ARCN1: variants seen among roughly 807,000 people sequenced by gnomAD.
The protein encoded by ARCN1 is archain 1 coat protein complex I subunit delta, also known as coatomer subunit delta.
ARCN1 carries 5 observed loss-of-function variants against 60.4 expected under a neutral mutation model. That is an observed-to-expected ratio of 0.08 (90% CI 0.04 to 0.17). The LOEUF is 0.17. Ranked by LOEUF, ARCN1 falls within the 10% of genes least tolerant of loss-of-function variation. ARCN1 has a pLI of 1.00. For missense variants in ARCN1, 464 were observed against 626.5 expected (o/e 0.74, Z 2.77); for synonymous variants, 224 against 220.0 (o/e 1.02, Z -0.16).
intron 3 of ARCN1, 128 bp downstream of exon 3, chr11:118,583,486 GC>G (rs1351641972): frequency 3.5e-6 from 4 of 1,157,372 alleles, no homozygotes; most frequent in Non-Finnish European, 4.7e-6. Context: ...AGGCACAGTG[GC>G]TCATGTCTGT....
intron 1 of ARCN1, among the ~76,000 whole-genome samples, chr11:118,580,742 C>T (rs1299342247): frequency 3.9e-5 from 6 of 152,060 alleles, no homozygotes; most frequent in South Asian, 4.1e-4. Flanking sequence ...AGGCTGGTCT[C>T]GAACTCCTGA....
chr11:118,600,767 C>A lies in ARCN1; in HGVS notation c.*53C>A. ...AATTTTCAGATTAATAAAGAAGACG[C>A]CAATGATGGCTGAAGAGTTTTTCCC... is the stretch of plus-strand genomic sequence containing the variant. On this transcript the variant is annotated 3_prime_UTR_variant, in exon 10 of 10. Coordinates refer to ENST00000264028, the MANE Select transcript of ARCN1 (RefSeq NM_001655.5). The A allele has an allele frequency of 8.0e-7, 1 of 1,248,326 alleles. No individual in the cohort carries two copies. The highest frequency in any genetic ancestry group is 1.1e-6 in the Non-Finnish European group (1 of 873,130). The allele number at this position is 1,248,326 out of a possible 1,614,324, so 77.3% of individuals were successfully genotyped here. A position where few individuals can be genotyped will look rare whatever the true frequency, so the allele number is the denominator to read the frequency against.
At position 118,581,933 on chromosome 11, in the gene ARCN1, G is replaced by GACACACACACACACACACAC. The variant is rs1161304214; in HGVS notation, c.267+427_267+428insCACACACACACACACACACA. Reference sequence around the variant, plus strand: ...TTACTGATCCAGAGACAGACAGACAGACAGACACACACACACACACACACA... The same window carrying GACACACACACACACACACAC: ...TTACTGATCCAGAGACAGACAGACAGACACACACACACACACACACACAGACACACACACACACACACACA... On this transcript the variant is annotated intron_variant, in intron 2 of 9. Transcript: ENST00000264028. Among the ~76,000 whole-genome samples, 41 of 132,220 alleles carry GACACACACACACACACACAC rather than the reference G, an allele frequency of 3.1e-4. 2 individuals are homozygous for GACACACACACACACACACAC. The East Asian group carries it at 4.7e-3, about 15-fold the overall frequency. 86.7% of individuals were successfully genotyped at this position (132,220 alleles called of 152,430 possible).
rs372415652 is a variant in ARCN1 at position 118,583,122 on chromosome 11, GAAA to G, written c.268-56_268-54del. On this transcript the variant is annotated intron_variant, in intron 2 of 9. Coordinates refer to ENST00000264028, the MANE Select transcript of ARCN1 (RefSeq NM_001655.5). ...TATGTACTCTAAAGGATAAGACTTG[GAAA>G]TATAGCTGCTGATAAATTCTAAATC... 1,919 of 1,571,534 alleles carry G rather than the reference GAAA, an allele frequency of 1.2e-3. 16 individuals are homozygous for G. The African/African-American group carries it at 0.02, about 16-fold the overall frequency.
Position 118,590,523 on chromosome 11 carries a change from G to A in ARCN1, c.984+17G>A. On this transcript the variant is annotated intron_variant, in intron 6 of 9. Coordinates refer to ENST00000264028, the MANE Select transcript of ARCN1 (RefSeq NM_001655.5). ...CAGCTACAGGTGTGTAGAAGCTTTT[G>A]ATAGGGAGTATTAACACTTTGTCTA... 6.2e-7 allele frequency: 1 copy of A among 1,612,916 alleles called. No homozygotes were observed. Among genetic ancestry groups the A allele is most frequent in the Non-Finnish European group, 8.5e-7 (1 of 1,179,350 alleles).
intron 9 of ARCN1, among the ~76,000 whole-genome samples, chr11:118,600,400 C>T (rs888038722): frequency 1.3e-5 from 2 of 152,184 alleles, no homozygotes; most frequent in Non-Finnish European, 2.9e-5. Context: ...AACATCTCGT[C>T]CCAACAGTTG....
chr11:118,574,827 C>A (rs1472117602), intron 1 of ARCN1, among the ~76,000 whole-genome samples: 1 of 151,978 alleles, frequency 6.6e-6, no homozygotes, highest in Admixed American at 6.6e-5. Context: ...TATTCACAGG[C>A]GCTATCATAG....
intron 7 of ARCN1, 136 bp from the exon 8 acceptor site, chr11:118,593,454 C>A: frequency 4.7e-6 from 2 of 428,238 alleles, no homozygotes; most frequent in Non-Finnish European, 8.6e-6. Flanking sequence ...TGGTCTTGAA[C>A]TCATGGCCTC....
chr11:118,591,618 C>CTTGA lies in ARCN1; in HGVS notation c.985-1090_985-1087dup, dbSNP rs1371418832. Among the ~76,000 whole-genome samples, 3 of 152,062 alleles carry CTTGA rather than the reference C, an allele frequency of 2.0e-5. No homozygotes were observed. In the East Asian group the frequency reaches 5.8e-4, roughly 29 times the overall value. ...ATGTTGGCCAAGCTGGTCTCGAACTCTTGACCTCATGATTCGCCCACCTCA... is the reference window on the plus strand; with the variant it reads ...ATGTTGGCCAAGCTGGTCTCGAACTCTTGATTGACCTCATGATTCGCCCACCTCA... On this transcript the variant is annotated intron_variant, in intron 6 of 9. Coordinates refer to ENST00000264028, the MANE Select transcript of ARCN1 (RefSeq NM_001655.5).
intron 8 of ARCN1, 141 bp downstream of exon 8, chr11:118,593,839 CA>C: frequency 1.9e-6 from 1 of 538,968 alleles, no homozygotes; most frequent in South Asian, 2.4e-5. Context: ...AAGCCAGATA[CA>C]AAAGGCTGCA....
chr11:118,579,561 G>A (rs904517703), intron 1 of ARCN1, among the ~76,000 whole-genome samples: 8 of 151,136 alleles, frequency 5.3e-5, no homozygotes, highest in African/African-American at 9.7e-5. Flanking sequence ...GGTGGCAGGC[G>A]CCTGTAATCC....
At chr11:118,577,540 C>A (rs1398755673) in intron 1 of ARCN1, among the ~76,000 whole-genome samples, 3 of 152,130 alleles carry the variant, frequency 2.0e-5, no homozygotes, top group Non-Finnish European at 4.4e-5. Flanking sequence ...CCACCGCTCC[C>A]GGCCTAAATG....
In ARCN1 at chr11:118,589,576, C is replaced by G. The variant is rs116495744; in HGVS notation, c.819-765C>G. Among the ~76,000 whole-genome samples, 525 of 152,250 alleles carry G rather than the reference C, an allele frequency of 3.4e-3. 2 individuals are homozygous for G. The highest frequency in any genetic ancestry group is 0.012 in the African/African-American group (487 of 41,542). ...TCCTGAGTAGGCGCCCGTCACCACA[C>G]CCGGCTAATTTTGTTTTTGTATTTT... On this transcript the variant is annotated intron_variant, in intron 5 of 9. Coordinates refer to ENST00000264028, the MANE Select transcript of ARCN1 (RefSeq NM_001655.5).
chr11:118,575,512 T>C (rs782200173), intron 1 of ARCN1, among the ~76,000 whole-genome samples: 1 of 152,106 alleles, frequency 6.6e-6, no homozygotes, highest in Non-Finnish European at 1.5e-5. Flanking sequence ...AAATTACTTT[T>C]CAAGTTTTAG....
intron 9 of ARCN1, among the ~76,000 whole-genome samples, chr11:118,599,163 G>T (rs901199636): frequency 9.2e-5 from 14 of 151,744 alleles, no homozygotes; most frequent in Admixed American, 7.2e-4. Context: ...CGTGATGTTG[G>T]TTCACTGCAA....
At chr11:118,572,595 C>T (rs1555072648) in intron 1 of ARCN1, 45 bp downstream of exon 1, 1 of 1,596,346 alleles carries the variant, frequency 6.3e-7, no homozygotes, top group Admixed American at 1.7e-5. Flanking sequence ...CCGAGCCTCA[C>T]CGTCTCTCCT....
intron 9 of ARCN1, among the ~76,000 whole-genome samples, chr11:118,599,095 ATT>A (rs565005021): frequency 1.7e-5 from 2 of 117,300 alleles, no homozygotes; most frequent in East Asian, 5.1e-4. Flanking sequence ...CGCCTGGCGG[ATT>A]TTTTTTTTTT....
Position 118,592,728 on chromosome 11 carries a change from A to G in ARCN1, c.1004A>G (p.Lys335Arg), listed in dbSNP as rs1938940159. 4.3e-6 allele frequency: 7 copies of G among 1,614,040 alleles called. No homozygotes were observed. The highest frequency in any genetic ancestry group is 3.3e-4 in the Middle Eastern group (2 of 6,060). The change falls in exon 7 of 10, where the codon AAA (lysine) becomes AGA (arginine). Residue 335 changes from lysine to arginine, a missense_variant. Transcript: ENST00000264028. The part of the protein sequence containing the change: ...VQLQTHPNVD[K>R]KLFTAESLIG... ...TTCTAGACCCATCCAAATGTGGATAAAAAACTTTTCACTGCAGAGTCTCTA... is the reference window on the plus strand; with the variant it reads ...TTCTAGACCCATCCAAATGTGGATAGAAAACTTTTCACTGCAGAGTCTCTA...
intron 2 of ARCN1, among the ~76,000 whole-genome samples, chr11:118,582,025 AGCATGTGCCTGTAGTCCAAGCTACT>A (rs1288820623): frequency 6.6e-6 from 1 of 152,066 alleles, no homozygotes. Flanking sequence ...CAGGTGCGGT[AGCATGTGCCTGTAGTCCAAGCTACT>A]CAGGAGGCTG....
Sources: gnomAD v4.1 joint callset for allele counts (sites outside exome capture counted in the v4.1 genomes callset) on GRCh38, gnomAD v4.1.1 for gene constraint, MANE v1.5 for transcripts, NCBI Gene and HGNC (gene_info 2026-07-23, HGNC 2026-07-21) for gene names.